Variants in RPS6KA2 observed in about 807,000 individuals in gnomAD.
The protein encoded by RPS6KA2 is ribosomal protein S6 kinase A2.
A neutral mutation model predicts 91.8 loss-of-function variants in RPS6KA2; 42 were observed. The observed-to-expected ratio is 0.46, with a 90% confidence interval of 0.36 to 0.59. The LOEUF (loss-of-function observed/expected upper bound fraction) is 0.59, where lower values mean the gene tolerates loss of function less well. Ranked by LOEUF, RPS6KA2 falls within the 20% of genes least tolerant of loss-of-function variation. The probability of loss-of-function intolerance (pLI) is 0.00; values close to 1 mark genes in which losing one functional copy is unlikely to be tolerated. For synonymous variants in RPS6KA2, 414 were observed against 393.6 expected (o/e 1.05, Z -0.61); for missense variants, 798 against 978.5 (o/e 0.82, Z 2.46).
chr6:166,528,207 C>T (rs1450861000), intron 3 of RPS6KA2, among the ~76,000 whole-genome samples: 1 of 152,182 alleles, frequency 6.6e-6, no homozygotes, highest in Non-Finnish European at 1.5e-5. Flanking sequence ...GAAGAGATAG[C>T]TGTAACTGAA....
chr6:166,814,856 G>A (rs927371362), intron 2 of RPS6KA2, among the ~76,000 whole-genome samples: 21 of 152,192 alleles, frequency 1.4e-4, no homozygotes, highest in Non-Finnish European at 7.3e-5. Flanking sequence ...TTGATTCTAC[G>A]TGATGATGAG....
chr6:166,855,405 G>C (rs1168295350), intron 2 of RPS6KA2, among the ~76,000 whole-genome samples: 1 of 150,776 alleles, frequency 6.6e-6, no homozygotes, highest in East Asian at 1.9e-4. Context: ...AGGAGGAGGA[G>C]GAAGAGGAGG....
At chr6:166,619,531 G>C (rs1434616545) in intron 1 of RPS6KA2, among the ~76,000 whole-genome samples, 2 of 152,240 alleles carry the variant, frequency 1.3e-5, no homozygotes, top group Non-Finnish European at 2.9e-5. Context: ...CTGTGACAGA[G>C]AGCCCAGGGC....
At chr6:166,656,201 G>A (rs966645803) in intron 2 of RPS6KA2, among the ~76,000 whole-genome samples, 5 of 152,170 alleles carry the variant, frequency 3.3e-5, no homozygotes, top group Non-Finnish European at 7.3e-5. Context: ...ATGCTACATG[G>A]GTAAAGATAT....
At chr6:166,540,326 C>T (rs567932103) in intron 1 of RPS6KA2, among the ~76,000 whole-genome samples, 103 of 152,310 alleles carry the variant, frequency 6.8e-4, no homozygotes, top group Non-Finnish European at 1.3e-3. Context: ...GTGTCTGAGC[C>T]GTGGAAACTC....
chr6:166,591,302 A>G (rs1431316717), intron 1 of RPS6KA2, among the ~76,000 whole-genome samples: 1 of 152,172 alleles, frequency 6.6e-6, no homozygotes, highest in African/African-American at 2.4e-5. Context: ...GGATGAGCAG[A>G]ATGCCTTTAG....
At chr6:166,547,862 T>C (rs958871735) in intron 1 of RPS6KA2, among the ~76,000 whole-genome samples, 2 of 152,350 alleles carry the variant, frequency 1.3e-5, no homozygotes, top group South Asian at 4.1e-4. Flanking sequence ...ACAGAAAGCC[T>C]GCTTCTATTC....
chr6:166,786,892 A>G (rs1778945048), intron 2 of RPS6KA2, among the ~76,000 whole-genome samples: 1 of 152,230 alleles, frequency 6.6e-6, no homozygotes, highest in Non-Finnish European at 1.5e-5. Context: ...ACTAGAGGGC[A>G]GAAGAGAAAA....
At chr6:166,631,015 G>A (rs1198228226), upstream of RPS6KA2, among the ~76,000 whole-genome samples, 1 of 152,200 alleles carries the variant, frequency 6.6e-6, no homozygotes, top group East Asian at 1.9e-4. Context: ...AAGGGATCAA[G>A]TTTGCCTCTG....
chr6:166,655,773 AGT>A (rs552530093), intron 2 of RPS6KA2, among the ~76,000 whole-genome samples: 1 of 152,322 alleles, frequency 6.6e-6, no homozygotes, highest in South Asian at 2.1e-4. Context: ...GGCTGGCGAG[AGT>A]GTGAACGGGC....
chr6:166,702,916 G>A (rs1406974365), intron 2 of RPS6KA2: 11 of 672,940 alleles, frequency 1.6e-5, no homozygotes, highest in Non-Finnish European at 2.6e-5. Context: ...GATGGATCCA[G>A]CTGGTTTTGT....
intron 2 of RPS6KA2, among the ~76,000 whole-genome samples, chr6:166,698,107 G>T (rs184666191): frequency 1.3e-5 from 2 of 152,278 alleles, no homozygotes; most frequent in East Asian, 3.9e-4. Context: ...GGGCATGTGT[G>T]TACATGGGTG....
At chr6:166,762,755 G>T (rs956700631) in intron 2 of RPS6KA2, among the ~76,000 whole-genome samples, 2 of 152,088 alleles carry the variant, frequency 1.3e-5, no homozygotes, top group African/African-American at 4.8e-5. Context: ...CTTCTGCCCC[G>T]ACTTCTGGGA....
chr6:166,796,213 C>T (rs1158335926), intron 2 of RPS6KA2, among the ~76,000 whole-genome samples: 3 of 152,158 alleles, frequency 2.0e-5, no homozygotes, highest in African/African-American at 7.2e-5. Flanking sequence ...GTTGTAGAGC[C>T]CTGAAAAAGA....
At chr6:166,517,847 A>G (rs1431546615) in intron 3 of RPS6KA2, among the ~76,000 whole-genome samples, 1 of 152,240 alleles carries the variant, frequency 6.6e-6, no homozygotes. Context: ...CCTGCTGCAG[A>G]TAACTAGCCA....
Position 166,600,190 on chromosome 6 carries a change from T to C in RPS6KA2, c.99+26731A>G, listed in dbSNP as rs560579775. 2.6e-5 allele frequency among the ~76,000 whole-genome samples: 4 copies of C among 152,312 alleles called. 1 individual carries two copies. The South Asian group carries it at 8.3e-4, about 32-fold the overall frequency. ...CGCCTGGCTAATTTATTTTTGTTTT[T>C]AGTACAGACAAGGTCTCACTATGTT... On this transcript the variant is annotated intron_variant, in intron 1 of 20. Transcript: ENST00000265678.
intron 2 of RPS6KA2, among the ~76,000 whole-genome samples, chr6:166,708,869 C>T (rs980964436): frequency 3.3e-5 from 5 of 152,160 alleles, no homozygotes; most frequent in East Asian, 1.9e-4. Flanking sequence ...ATGGGCAATA[C>T]ATGATAAAAT....
intron 2 of RPS6KA2, among the ~76,000 whole-genome samples, chr6:166,725,484 C>T (rs967118188): frequency 6.6e-6 from 1 of 152,266 alleles, no homozygotes; most frequent in Non-Finnish European, 1.5e-5. Flanking sequence ...CCAGCCCAGC[C>T]TCTTTCTCCA....
At chr6:166,430,036 C>A (rs1338626405) in intron 16 of RPS6KA2, among the ~76,000 whole-genome samples, 1 of 151,734 alleles carries the variant, frequency 6.6e-6, no homozygotes, top group Non-Finnish European at 1.5e-5. Context: ...CAGCTCACTG[C>A]AACCTCCGCC....
Sources: gnomAD v4.1 joint callset for allele counts (sites outside exome capture counted in the v4.1 genomes callset) on GRCh38, gnomAD v4.1.1 for gene constraint, MANE v1.5 for transcripts, NCBI Gene and HGNC (gene_info 2026-07-23, HGNC 2026-07-21) for gene names.